The following LAMA1 variants were observed in gnomAD, a reference collection of about 807,000 sequenced individuals.
LAMA1 encodes laminin subunit alpha-1.
A neutral mutation model predicts 348.7 loss-of-function variants in LAMA1; 219 were observed. That is an observed-to-expected ratio of 0.63 (90% confidence interval 0.56 to 0.70). The LOEUF (loss-of-function observed/expected upper bound fraction) is 0.70, where lower values mean the gene tolerates loss of function less well. Among genes scored for constraint, LAMA1 ranks in the 30% least tolerant of loss-of-function variants. The probability of loss-of-function intolerance (pLI) is 0.00; values close to 1 mark genes in which losing one functional copy is unlikely to be tolerated. For missense variants in LAMA1, 3,744 were observed against 3,888.0 expected, an observed-to-expected ratio of 0.96 and a Z score of 0.99; for synonymous variants, 1,487 against 1,491.0, an observed-to-expected ratio of 1.00 and a Z score of 0.06.
chr18:6,950,375 G>A (rs2057541024), intron 58 of LAMA1, among the ~76,000 whole-genome samples: 1 of 152,132 alleles, frequency 6.6e-6, no homozygotes, highest in South Asian at 2.1e-4. Flanking sequence ...TGCTTTTCTG[G>A]GCAGTGGACA....
chr18:7,043,606 T>G lies in LAMA1; in HGVS notation c.977-201A>C, dbSNP rs1598294802. On this transcript the variant is annotated intron_variant, in intron 7 of 62. Coordinates refer to ENST00000389658, the MANE Select transcript of LAMA1 (RefSeq NM_005559.4). ...TCAAAATAATAAATGCACATACCCA[T>G]TTGACCCAGCAAACCATCTCCTGGG... Among the ~76,000 whole-genome samples, 3 of 152,232 alleles carry G rather than the reference T, an allele frequency of 2.0e-5. No individual in the cohort carries two copies. The East Asian group carries it at 5.8e-4, about 29-fold the overall frequency.
At chr18:6,955,502 G>T in intron 56 of LAMA1, 37 bp from the exon 57 acceptor site, 1 of 1,519,310 alleles carries the variant, frequency 6.6e-7, no homozygotes, top group Non-Finnish European at 9.1e-7. Context: ...GCCGCCACCC[G>T]CAGCCCGAAC....
In LAMA1 at chr18:6,956,632, C is replaced by T. The variant is rs761672684; in HGVS notation, c.8094+4G>A. ...TGACTGATAGTAAAGGAAGCCGCTC[C>T]TACTGGAAAAGCCCGGGGCTCTGGC... is the stretch of plus-strand genomic sequence containing the variant. On this transcript the variant is annotated splice_donor_region_variant and intron_variant, in intron 56 of 62. Transcript: ENST00000389658. 2 of 1,614,078 alleles carry T rather than the reference C, an allele frequency of 1.2e-6. No homozygotes were observed. Among genetic ancestry groups the T allele is most frequent in the South Asian group, 2.2e-5 (2 of 91,082 alleles).
intron 1 of LAMA1, among the ~76,000 whole-genome samples, chr18:7,091,869 C>T (rs2058241023): frequency 6.6e-6 from 1 of 152,174 alleles, no homozygotes; most frequent in South Asian, 2.1e-4. Flanking sequence ...AATCATTTGG[C>T]ACTTGAGATG....
chr18:7,005,341 A>G (rs1215151377), intron 29 of LAMA1, among the ~76,000 whole-genome samples: 2 of 152,244 alleles, frequency 1.3e-5, no homozygotes, highest in East Asian at 3.9e-4. Context: ...AGAAAGAATC[A>G]GAGCTGCCCA....
At chr18:7,044,659 C>T (rs2058034548) in intron 7 of LAMA1, 63 bp downstream of exon 7, 2 of 1,256,694 alleles carry the variant, frequency 1.6e-6, no homozygotes, top group South Asian at 2.4e-5. Flanking sequence ...TGTTAAGACA[C>T]CATAAACTTG....
chr18:7,008,984 T>G (rs1207651018), intron 27 of LAMA1, among the ~76,000 whole-genome samples: 2 of 152,340 alleles, frequency 1.3e-5, no homozygotes, highest in Non-Finnish European at 2.9e-5. Flanking sequence ...CAATTGTTTT[T>G]TTTGCATTTT....
intron 9 of LAMA1, among the ~76,000 whole-genome samples, chr18:7,041,429 T>C (rs560040561): frequency 1.4e-4 from 21 of 152,262 alleles, no homozygotes; most frequent in African/African-American, 5.1e-4. Flanking sequence ...CACGTAAGAA[T>C]CAATTCAGTT....
intron 1 of LAMA1, among the ~76,000 whole-genome samples, chr18:7,110,292 A>G (rs1383115062): frequency 6.6e-6 from 1 of 152,176 alleles, no homozygotes; most frequent in Non-Finnish European, 1.5e-5. Flanking sequence ...AAGATCAGGA[A>G]GTTTTTCAAG....
At chr18:7,031,702 T>TAAATAAATAAATAAA (rs34666672) in intron 16 of LAMA1, among the ~76,000 whole-genome samples, 1 of 69,100 alleles carries the variant, frequency 1.4e-5, no homozygotes, top group Non-Finnish European at 2.9e-5. Context: ...TAAATAAATA[T>TAAATAAATAAATAAA]TAGCACTGTC....
Position 7,044,763 on chromosome 18 carries a change from G to A in LAMA1, c.935C>T (p.Pro312Leu), listed in dbSNP as rs978560199. ...GGAGGACACGGTTCCCGGCCTCCAG[G>A]GCTGCTGATGGTACCCAGGACAGCA... ...NRCCPGYHQQPWRPGTVSSGN... is the reference protein window; with the variant it reads ...NRCCPGYHQQLWRPGTVSSGN... Residue 312 changes from proline (P) to leucine (L), a missense_variant, in exon 7 of 63, where the codon CCC becomes CTC. Transcript: ENST00000389658. 3.1e-6 allele frequency: 5 copies of A among 1,614,128 alleles called. No individual in the cohort carries two copies. The highest frequency in any genetic ancestry group is 3.3e-5 in the Admixed American group (2 of 60,016).
chr18:7,079,554 T>C (rs2058184412), intron 3 of LAMA1: 2 of 259,268 alleles, frequency 7.7e-6, no homozygotes, highest in South Asian at 4.9e-5. Context: ...TGTCTTTTTT[T>C]CTTCTAGCCT....
At position 6,950,987 on chromosome 18, in the gene LAMA1, G is replaced by C. The variant is rs1317703770; in HGVS notation, c.8208-16C>G. The C allele has an allele frequency of 1.2e-6, 2 of 1,611,164 alleles. No homozygotes were observed. Among genetic ancestry groups the C allele is most frequent in the Non-Finnish European group, 1.7e-6 (2 of 1,178,846 alleles). On this transcript the variant is annotated splice_polypyrimidine_tract_variant and intron_variant, in intron 57 of 62. Coordinates refer to ENST00000389658, the MANE Select transcript of LAMA1 (RefSeq NM_005559.4). Reference sequence around the variant, plus strand: ...AACCGAGAGCCTGGGGAAAACAAGTGCTCAGCGTTGAGAAAGGAAACTTTT... The same window carrying C: ...AACCGAGAGCCTGGGGAAAACAAGTCCTCAGCGTTGAGAAAGGAAACTTTT...
intron 6 of LAMA1, among the ~76,000 whole-genome samples, chr18:7,045,293 A>G (rs2058037346): frequency 6.6e-6 from 1 of 152,006 alleles, no homozygotes; most frequent in South Asian, 2.1e-4. Context: ...ACATGGTGAA[A>G]CCCCATCTCT....
At chr18:6,987,718 C>T (rs992220385) in intron 36 of LAMA1, among the ~76,000 whole-genome samples, 4 of 152,056 alleles carry the variant, frequency 2.6e-5, no homozygotes, top group African/African-American at 7.2e-5. Flanking sequence ...GGTTAAGACA[C>T]GACCAAAAAC....
At chr18:7,001,498 A>G (rs964416703) in intron 30 of LAMA1, among the ~76,000 whole-genome samples, 2 of 152,178 alleles carry the variant, frequency 1.3e-5, no homozygotes, top group African/African-American at 4.8e-5. Flanking sequence ...CATAGCTTGC[A>G]AGGGAAGTGT....
At chr18:7,046,852 T>C (rs563065600) in intron 5 of LAMA1, among the ~76,000 whole-genome samples, 2 of 152,146 alleles carry the variant, frequency 1.3e-5, no homozygotes, top group Non-Finnish European at 2.9e-5. Context: ...ATAGACTTCT[T>C]TTTAGATTTC....
chr18:7,063,259 T>C (rs2058109755), intron 3 of LAMA1, among the ~76,000 whole-genome samples: 1 of 152,208 alleles, frequency 6.6e-6, no homozygotes, highest in South Asian at 2.1e-4. Context: ...ATTCTCCTTT[T>C]TCTTTAGACA....
chr18:7,058,689 G>A lies in LAMA1; in HGVS notation c.346-7753C>T, dbSNP rs1172186359. ...AAGCCACTATGAGCCAGAAGAAACC[G>A]ACTCTGCTGACACCTTGACCTTAGA... On this transcript the variant is annotated intron_variant, in intron 3 of 62. Coordinates refer to ENST00000389658, the MANE Select transcript of LAMA1 (RefSeq NM_005559.4). Among the ~76,000 whole-genome samples the A allele has an allele frequency of 3.9e-5, 6 of 152,174 alleles. No individual in the cohort carries two copies. In the South Asian group the frequency reaches 6.2e-4, roughly 16 times the overall value.
Sources: gnomAD v4.1 joint callset for allele counts (sites outside exome capture counted in the v4.1 genomes callset) on GRCh38, gnomAD v4.1.1 for gene constraint, MANE v1.5 for transcripts, NCBI Gene and HGNC (gene_info 2026-07-23, HGNC 2026-07-21) for gene names.